PCDHA9: variants seen among roughly 807,000 people sequenced by gnomAD.
PCDHA9 encodes the protein protocadherin alpha-9.
PCDHA9 carries 62 observed loss-of-function variants against 62.0 expected under a neutral mutation model. The ratio of observed to expected loss-of-function variants is 1.00; its 90% confidence interval spans 0.81 to 1.23. The LOEUF (loss-of-function observed/expected upper bound fraction) is 1.23. Ranked by LOEUF, PCDHA9 falls within the 50% of genes most tolerant of loss-of-function variation. PCDHA9 has a pLI of 0.00. For synonymous variants in PCDHA9, 557 were observed against 567.6 expected, an observed-to-expected ratio of 0.98 and a Z score of 0.27; for missense variants, 1,205 against 1,249.8, an observed-to-expected ratio of 0.96 and a Z score of 0.54.
chr5:140,880,645 C>A (rs535367313), intron 1 of PCDHA9, among the ~76,000 whole-genome samples: 1 of 152,032 alleles, frequency 6.6e-6, no homozygotes, highest in Admixed American at 6.6e-5. Context: ...CACTTGAGAG[C>A]CCAACTGAGG....
Position 141,009,969 on chromosome 5 carries a change from GT to G in PCDHA9, c.*37del, listed in dbSNP as rs2098415622. On this transcript the variant is annotated 3_prime_UTR_variant, in exon 4 of 4. Coordinates refer to ENST00000532602, the MANE Select transcript of PCDHA9 (RefSeq NM_031857.2). ...CAAATGGAAACAAGCCACTTAGCCA[GT>G]TTTTGTAATAATGGCAAATCTCTCC... 6.3e-7 allele frequency: 1 copy of G among 1,586,478 alleles called. No homozygotes were observed. The highest frequency in any genetic ancestry group is 1.8e-5 in the Admixed American group (1 of 54,174).
At chr5:140,906,713 G>A (rs1554192665) in intron 1 of PCDHA9, among the ~76,000 whole-genome samples, 1 of 152,160 alleles carries the variant, frequency 6.6e-6, no homozygotes, top group Non-Finnish European at 1.5e-5. Flanking sequence ...AGTCCTGCCT[G>A]GATTGTGCTG....
chr5:140,959,449 A>G (rs2095488988), intron 1 of PCDHA9, among the ~76,000 whole-genome samples: 1 of 152,196 alleles, frequency 6.6e-6, no homozygotes, highest in South Asian at 2.1e-4. Context: ...TTTTGTGCTG[A>G]AAAGCTGAAG....
intron 3 of PCDHA9, among the ~76,000 whole-genome samples, chr5:140,999,039 T>C (rs1554256567): frequency 6.6e-6 from 1 of 152,214 alleles, no homozygotes; most frequent in Admixed American, 6.5e-5. Flanking sequence ...CTTCGTCCAG[T>C]GTGCTTTCCA....
At chr5:140,927,716 G>T (rs782756674) in intron 1 of PCDHA9, 1 of 1,614,190 alleles carries the variant, frequency 6.2e-7, no homozygotes, top group South Asian at 1.1e-5. Context: ...CTAAGCAACA[G>T]CACGCAAGCA....
At chr5:140,943,650 C>A (rs2093540673) in intron 1 of PCDHA9, among the ~76,000 whole-genome samples, 1 of 151,974 alleles carries the variant, frequency 6.6e-6, no homozygotes, top group African/African-American at 2.4e-5. Flanking sequence ...ATAAAACCAT[C>A]TATGAACAAT....
At chr5:141,003,913 T>C (rs1554259375) in intron 3 of PCDHA9, among the ~76,000 whole-genome samples, 1 of 152,206 alleles carries the variant, frequency 6.6e-6, no homozygotes, top group African/African-American at 2.4e-5. Flanking sequence ...GGGTCTTGAC[T>C]GCATCCTCAG....
chr5:141,003,714 C>T (rs781976885), intron 3 of PCDHA9, among the ~76,000 whole-genome samples: 17 of 152,266 alleles, frequency 1.1e-4, no homozygotes, highest in South Asian at 2.1e-4. Flanking sequence ...GTGAAGATAT[C>T]GGCTAATCCA....
intron 1 of PCDHA9, among the ~76,000 whole-genome samples, chr5:140,936,094 T>C (rs2090766117): frequency 6.6e-6 from 1 of 152,116 alleles, no homozygotes; most frequent in South Asian, 2.1e-4. Flanking sequence ...GGTTTCACCA[T>C]GTTGGCCAGG....
intron 3 of PCDHA9, among the ~76,000 whole-genome samples, chr5:140,991,746 T>C (rs74524919): frequency 0.01 from 1,537 of 152,318 alleles, 24 homozygotes; most frequent in African/African-American, 0.035. Flanking sequence ...GTAGGCTCTT[T>C]CTATCATGCT....
intron 1 of PCDHA9, chr5:140,857,477 T>A (rs1562523780): frequency 1.3e-6 from 2 of 1,598,544 alleles, no homozygotes; most frequent in Admixed American, 1.7e-5. Context: ...CTTCACGGTG[T>A]CTGCGTGGGA....
At position 140,881,347 on chromosome 5, in the gene PCDHA9, C is replaced by A; in HGVS notation, c.2394+30458C>A. 3 of 985,212 alleles carry A rather than the reference C, an allele frequency of 3.0e-6. No homozygotes were observed. In the African/African-American group the frequency reaches 5.2e-5, roughly 17 times the overall value. 61.0% of individuals were successfully genotyped at this position (985,212 alleles called of 1,614,324 possible). ...TTAACCAGGACGCCGATTCGGGCTA[C>A]AATGCGTGGCTTTCGTATGAATTGC... On this transcript the variant is annotated intron_variant, in intron 1 of 3. Transcript: ENST00000532602.
intron 1 of PCDHA9, chr5:140,869,729 A>C (rs1554163384): frequency 6.2e-7 from 1 of 1,613,280 alleles, no homozygotes; most frequent in Admixed American, 1.7e-5. Context: ...CCGGAACTTA[A>C]TTTGCTGCTA....
At chr5:140,871,273 G>T in intron 1 of PCDHA9, 3 of 1,613,916 alleles carry the variant, frequency 1.9e-6, no homozygotes, top group Non-Finnish European at 2.5e-6. Flanking sequence ...GTGGTGGTCG[G>T]CAACGCCCAC....
At chr5:140,877,811 GAGA>G in intron 1 of PCDHA9, 1 of 1,610,242 alleles carries the variant, frequency 6.2e-7, no homozygotes, top group African/African-American at 1.3e-5. Flanking sequence ...CAGCTGTCTC[GAGA>G]AGATTGTTTA....
At chr5:140,928,958 C>T in intron 1 of PCDHA9, 1 of 1,613,930 alleles carries the variant, frequency 6.2e-7, no homozygotes, top group South Asian at 1.1e-5. Flanking sequence ...ATTGCCTTGG[C>T]TTGTATTTCC....
chr5:140,850,883 T>G lies in PCDHA9; in HGVS notation c.2388T>G (p.Thr796=). The G allele has an allele frequency of 6.3e-7, 1 of 1,582,476 alleles. No homozygotes were observed. The highest frequency in any genetic ancestry group is 8.6e-7 in the Non-Finnish European group (1 of 1,158,958). Residue 796 remains threonine, a synonymous_variant, in exon 1 of 4, where the codon ACT becomes ACG. Transcript: ENST00000532602. ...TGEPSASSDS[T]GKPRQPNPDW... is the part of the protein sequence containing the mutation. ...AACCCTCTGCTTCCTCAGATTCAACTGGGAAGGTGGGTTTTTCTAGCATTT... is the reference window on the plus strand; with the variant it reads ...AACCCTCTGCTTCCTCAGATTCAACGGGGAAGGTGGGTTTTTCTAGCATTT...
chr5:140,962,787 C>T (rs2095707732), intron 1 of PCDHA9, among the ~76,000 whole-genome samples: 1 of 152,224 alleles, frequency 6.6e-6, no homozygotes, highest in Non-Finnish European at 1.5e-5. Context: ...TTTTTAAAAA[C>T]TACTTTGGAC....
chr5:141,006,636 A>G (rs1322633928), intron 3 of PCDHA9, among the ~76,000 whole-genome samples: 3 of 152,210 alleles, frequency 2.0e-5, no homozygotes, highest in African/African-American at 7.2e-5. Context: ...TGCAATTCAT[A>G]TAAGAGATGA....
Sources: allele counts gnomAD v4.1 joint callset (sites outside exome capture counted in the v4.1 genomes callset), GRCh38; gene constraint gnomAD v4.1.1; transcripts MANE v1.5; gene names NCBI Gene and HGNC (gene_info 2026-07-23, HGNC 2026-07-21).